Variants in GMDS observed in about 807,000 individuals in gnomAD.
GMDS encodes GDP-mannose 4,6-dehydratase, also known as GDP-mannose 4,6 dehydratase.
Under a neutral mutation model 49.9 loss-of-function variants are expected in GMDS, and 20 were observed. That is an observed-to-expected ratio of 0.40 (90% CI 0.28 to 0.58). The LOEUF is 0.58. GMDS is among the 20% of genes least tolerant of loss of function. GMDS has a pLI of 0.42. For missense variants in GMDS, 362 were observed against 481.4 expected, an observed-to-expected ratio of 0.75 and a Z score of 2.32; for synonymous variants, 177 against 178.6, an observed-to-expected ratio of 0.99 and a Z score of 0.07.
At chr6:1,736,500 C>T (rs948467701) in intron 8 of GMDS, among the ~76,000 whole-genome samples, 4 of 152,170 alleles carry the variant, frequency 2.6e-5, no homozygotes, top group African/African-American at 4.8e-5. Flanking sequence ...TGGGACTCTA[C>T]GCAGGTTTTC....
intron 4 of GMDS, among the ~76,000 whole-genome samples, chr6:2,066,130 A>G (rs1771572379): frequency 6.6e-6 from 1 of 152,080 alleles, no homozygotes; most frequent in African/African-American, 2.4e-5. Context: ...TTCTTAAAGA[A>G]AAGAATTTTC....
chr6:2,154,642 CCA>C (rs1777010387), intron 1 of GMDS, among the ~76,000 whole-genome samples: 1 of 151,708 alleles, frequency 6.6e-6, no homozygotes, highest in Non-Finnish European at 1.5e-5. Flanking sequence ...CTGGTGCCAC[CCA>C]AACGTTGTTC....
chr6:2,211,911 AAT>A (rs925675232), intron 1 of GMDS, among the ~76,000 whole-genome samples: 2 of 152,206 alleles, frequency 1.3e-5, no homozygotes, highest in African/African-American at 2.4e-5. Flanking sequence ...GCCTTCCAAA[AAT>A]ATGACTTTCC....
intron 7 of GMDS, among the ~76,000 whole-genome samples, chr6:1,906,270 G>A (rs187776807): frequency 9.9e-4 from 151 of 152,162 alleles, no homozygotes; most frequent in African/African-American, 3.5e-3. Context: ...CCCCATTCCT[G>A]CAAATAGTCA....
rs755394372 is a variant in GMDS, at chr6:1,742,530, C to A, written c.828G>T (p.Gly276=). 2.5e-6 allele frequency: 4 copies of A among 1,612,680 alleles called. No individual in the cohort carries two copies. The highest frequency in any genetic ancestry group is 3.4e-6 in the Non-Finnish European group (4 of 1,178,674). ...CAAATTCCCGGACACTATGGACCTC[C>A]CCAGTAGCTATAACGAAGTCCTCCG... is the stretch of plus-strand genomic sequence containing the variant. ...DEPEDFVIAT[G]EVHSVREFVE... The change falls in exon 8 of 11, where the codon GGG becomes GGT. Residue 276 remains glycine, a synonymous_variant. Transcript: ENST00000380815.
intron 7 of GMDS, among the ~76,000 whole-genome samples, chr6:1,793,574 C>T (rs1007716092): frequency 3.3e-5 from 5 of 152,096 alleles, no homozygotes; most frequent in South Asian, 4.1e-4. Context: ...TCTGAGCCAC[C>T]GCAGGTGGAG....
At chr6:2,109,823 T>C (rs938205383) in intron 4 of GMDS, among the ~76,000 whole-genome samples, 9 of 152,242 alleles carry the variant, frequency 5.9e-5, no homozygotes, top group African/African-American at 2.2e-4. Context: ...ACATGTTAAC[T>C]TACTGAATGC....
intron 1 of GMDS, among the ~76,000 whole-genome samples, chr6:2,157,617 C>T (rs775420639): frequency 7.2e-5 from 11 of 152,230 alleles, no homozygotes; most frequent in African/African-American, 1.7e-4. Context: ...ACTACCAAAA[C>T]GAAATCTATA....
chr6:1,809,536 T>C (rs536478781), intron 7 of GMDS, among the ~76,000 whole-genome samples: 51 of 152,336 alleles, frequency 3.3e-4, no homozygotes, highest in South Asian at 6.2e-4. Context: ...CCCAAGGCGA[T>C]TCTTTCTCGC....
chr6:1,721,334 A>AT (rs1337081856), intron 9 of GMDS, among the ~76,000 whole-genome samples: 1 of 152,130 alleles, frequency 6.6e-6, no homozygotes, highest in Non-Finnish European at 1.5e-5. Flanking sequence ...TTAACCTATG[A>AT]TTTTTCCCTG....
intron 9 of GMDS, among the ~76,000 whole-genome samples, chr6:1,646,067 C>G (rs924101527): frequency 6.6e-6 from 1 of 152,332 alleles, no homozygotes; most frequent in Middle Eastern, 3.4e-3. Flanking sequence ...GTATCTCCCC[C>G]CAACTAAATG....
intron 7 of GMDS, among the ~76,000 whole-genome samples, chr6:1,788,195 G>T (rs1341735465): frequency 6.6e-6 from 1 of 152,212 alleles, no homozygotes; most frequent in African/African-American, 2.4e-5. Flanking sequence ...GCCGACCAAG[G>T]CCACAGTCGG....
rs200263913 is a variant in GMDS at position 1,778,845 on chromosome 6, G to GT, written c.772-36260dup. The stretch of plus-strand genomic sequence containing the variant: ...AGAACTTGGCCCCTTGCATTTTCTT[G>GT]TTTTTTTTTTCTCTTATAGCAGAAA... On this transcript the variant is annotated intron_variant, in intron 7 of 10. Coordinates refer to ENST00000380815, the MANE Select transcript of GMDS (RefSeq NM_001500.4). This position sits in a 1 kb window ranked among gnomAD's most constrained non-coding sequence, Gnocchi z 4.6. Among the ~76,000 whole-genome samples the GT allele has an allele frequency of 7.1e-3, 1,064 of 149,246 alleles. 10 individuals carry two copies. Among genetic ancestry groups the GT allele is most frequent in the African/African-American group, 0.023 (938 of 40,726 alleles).
At chr6:1,777,997 A>G in intron 7 of GMDS, among the ~76,000 whole-genome samples, 1 of 152,190 alleles carries the variant, frequency 6.6e-6, no homozygotes, top group East Asian at 1.9e-4. Context: ...CAGATGGAAG[A>G]GCTGAATGGA....
chr6:1,824,662 T>C (rs1270323782), intron 7 of GMDS, among the ~76,000 whole-genome samples: 1 of 152,148 alleles, frequency 6.6e-6, no homozygotes, highest in Non-Finnish European at 1.5e-5. Flanking sequence ...ACTCAAGTAG[T>C]CTTTTGTAAA....
At chr6:2,124,182 T>C (rs1334391234) in intron 2 of GMDS, among the ~76,000 whole-genome samples, 1 of 152,112 alleles carries the variant, frequency 6.6e-6, no homozygotes, top group African/African-American at 2.4e-5. Context: ...GGAGAAATGG[T>C]GAAGACAACG....
intron 1 of GMDS, among the ~76,000 whole-genome samples, chr6:2,229,828 T>C (rs2127594252): frequency 6.6e-6 from 1 of 152,340 alleles, no homozygotes; most frequent in Non-Finnish European, 1.5e-5. Context: ...AAGCATTATT[T>C]GGTTGCTCTA....
chr6:1,780,846 A>G (rs1237498375), intron 7 of GMDS, among the ~76,000 whole-genome samples: 1 of 152,236 alleles, frequency 6.6e-6, no homozygotes, highest in African/African-American at 2.4e-5. Context: ...TTAATCAGAG[A>G]GACTGAACTG....
chr6:1,751,493 ATTTG>A (rs373143232), intron 7 of GMDS, among the ~76,000 whole-genome samples: 2 of 152,104 alleles, frequency 1.3e-5, no homozygotes, highest in East Asian at 3.9e-4. Flanking sequence ...CTGTTTTTTC[ATTTG>A]TTTGTTTGTT....
Sources: gnomAD v4.1 joint callset for allele counts (sites outside exome capture counted in the v4.1 genomes callset) on GRCh38, gnomAD v4.1.1 for gene constraint, Gnocchi (gnomAD v3.1) non-coding constraint, MANE v1.5 for transcripts, NCBI Gene and HGNC (gene_info 2026-07-23, HGNC 2026-07-21) for gene names.